TNNI3K: variants seen among roughly 807,000 people sequenced by gnomAD.
TNNI3K encodes serine/threonine-protein kinase TNNI3K.
TNNI3K carries 140 observed loss-of-function variants against 114.5 expected under a neutral mutation model. That is an observed-to-expected ratio of 1.22 (90% CI 1.07 to 1.41). The LOEUF (loss-of-function observed/expected upper bound fraction) is 1.41, where lower values mean the gene tolerates loss of function less well. Ranked by LOEUF, TNNI3K falls within the 40% of genes most tolerant of loss-of-function variation. The pLI is 0.00. For synonymous variants in TNNI3K, 347 were observed against 347.5 expected (o/e 1.00, Z 0.02); for missense variants, 1,125 against 1,007.6 (o/e 1.12, Z -1.58).
intron 17 of TNNI3K, chr1:74,416,223 G>A (rs1355337650): frequency 1.1e-6 from 1 of 893,720 alleles, no homozygotes; most frequent in East Asian, 1.2e-4. Context: ...TCAAAGACGT[G>A]AGGAGTTTAA....
At chr1:74,499,260 G>A (rs1669487072) in intron 23 of TNNI3K, among the ~76,000 whole-genome samples, 1 of 152,174 alleles carries the variant, frequency 6.6e-6, no homozygotes. Flanking sequence ...TCCTGCCTGA[G>A]CCTCCTGAGT....
intron 21 of TNNI3K, among the ~76,000 whole-genome samples, chr1:74,473,796 T>C (rs1016294129): frequency 6.6e-6 from 1 of 152,148 alleles, no homozygotes; most frequent in Non-Finnish European, 1.5e-5. Flanking sequence ...CAAATTATGT[T>C]GGGGAAAGAA....
chr1:74,438,436 A>C (rs1666231978), intron 19 of TNNI3K, among the ~76,000 whole-genome samples: 1 of 152,122 alleles, frequency 6.6e-6, no homozygotes, highest in Admixed American at 6.6e-5. Context: ...GGTAAGAGTG[A>C]TAAAAGAATA....
intron 9 of TNNI3K, among the ~76,000 whole-genome samples, chr1:74,352,522 G>T (rs921360651): frequency 3.3e-5 from 5 of 152,230 alleles, no homozygotes; most frequent in Admixed American, 6.5e-5. Flanking sequence ...TAAGTCTACA[G>T]AGGTTATTGC....
At position 74,439,558 on chromosome 1, in the gene TNNI3K, C is replaced by T; in HGVS notation, c.1947C>T (p.Phe649=). 1 of 1,613,544 alleles carries T rather than the reference C, an allele frequency of 6.2e-7. No homozygotes were observed. The highest frequency in any genetic ancestry group is 8.5e-7 in the Non-Finnish European group (1 of 1,179,686). ...CTRYTIKADV[F]SYALCLWEIL... is the part of the protein sequence containing the mutation. The stretch of plus-strand genomic sequence containing the variant: ...GGTACACCATCAAAGCAGATGTCTT[C>T]AGCTATGCTCTGTGTCTGTGGGAAA... Residue 649 remains phenylalanine (F), a synonymous_variant, in exon 20 of 25, where the codon TTC becomes TTT. Coordinates refer to ENST00000326637, the MANE Select transcript of TNNI3K (RefSeq NM_015978.3).
intron 17 of TNNI3K, among the ~76,000 whole-genome samples, chr1:74,421,082 C>T (rs1665372716): frequency 6.6e-6 from 1 of 152,080 alleles, no homozygotes; most frequent in African/African-American, 2.4e-5. Flanking sequence ...TATCCATAGT[C>T]AGCATCAGTT....
At chr1:74,440,029 G>A (rs1666306500) in intron 20 of TNNI3K, among the ~76,000 whole-genome samples, 1 of 151,832 alleles carries the variant, frequency 6.6e-6, no homozygotes, top group Admixed American at 6.6e-5. Context: ...ACCTGTTAAG[G>A]CTGCTCTCTG....
At chr1:74,512,550 T>G (rs1345154244) in intron 23 of TNNI3K, 2 of 152,244 alleles carry the variant, frequency 1.3e-5, no homozygotes, top group African/African-American at 2.4e-5. Flanking sequence ...GCTTGTAGTT[T>G]GTGAATCTCT....
rs137973157 is a variant in TNNI3K at position 74,325,431 on chromosome 1, A to T, written c.445-6019A>T. ...ATTGTCATACATGGCAGGTATCTGGATCAACTACATTGAGGAACTGGGAAG... is the reference window on the plus strand; with the variant it reads ...ATTGTCATACATGGCAGGTATCTGGTTCAACTACATTGAGGAACTGGGAAG... On this transcript the variant is annotated intron_variant, in intron 5 of 24. Transcript: ENST00000326637. 4.1e-3 allele frequency among the ~76,000 whole-genome samples: 628 copies of T among 152,292 alleles called. 4 individuals are homozygous for T. The highest frequency in any genetic ancestry group is 0.015 in the African/African-American group (603 of 41,566).
At chr1:74,469,805 G>C in intron 21 of TNNI3K, 1 of 399,150 alleles carries the variant, frequency 2.5e-6, no homozygotes, top group Non-Finnish European at 4.4e-6. Flanking sequence ...TGCATGCAAA[G>C]GCTAGTGGGT....
intron 5 of TNNI3K, among the ~76,000 whole-genome samples, chr1:74,310,858 C>G (rs1193257417): frequency 6.6e-6 from 1 of 152,058 alleles, no homozygotes; most frequent in Admixed American, 6.6e-5. Context: ...TGTCTTCTAT[C>G]TTTTAGATAC....
intron 17 of TNNI3K, among the ~76,000 whole-genome samples, chr1:74,424,517 G>A (rs1026672199): frequency 4.6e-5 from 7 of 151,994 alleles, no homozygotes; most frequent in African/African-American, 1.7e-4. Flanking sequence ...TCAGGAGTTT[G>A]AGACCAGCCT....
chr1:74,373,122 C>T (rs1662700529), intron 17 of TNNI3K: 1 of 151,840 alleles, frequency 6.6e-6, no homozygotes, highest in South Asian at 2.1e-4. Context: ...TGGGTCCTTT[C>T]CCTCAGAGAG....
At chr1:74,334,092 A>T (rs1660348500) in intron 6 of TNNI3K, among the ~76,000 whole-genome samples, 1 of 152,214 alleles carries the variant, frequency 6.6e-6, no homozygotes, top group South Asian at 2.1e-4. Context: ...GACTTATTTA[A>T]TCCTCACAAC....
chr1:74,320,560 C>T (rs1659551851), intron 5 of TNNI3K, among the ~76,000 whole-genome samples: 1 of 152,198 alleles, frequency 6.6e-6, no homozygotes, highest in Admixed American at 6.5e-5. Flanking sequence ...AAAAAAGGCA[C>T]ACACTTCATA....
intron 23 of TNNI3K, among the ~76,000 whole-genome samples, chr1:74,533,733 T>C (rs1459264709): frequency 1.3e-5 from 2 of 151,824 alleles, no homozygotes; most frequent in Admixed American, 1.3e-4. Flanking sequence ...TATGCAGCCA[T>C]AAAAAATGAT....
chr1:74,367,441 G>A, intron 12 of TNNI3K, 99 bp downstream of exon 12: 1 of 1,295,514 alleles, frequency 7.7e-7, no homozygotes. Context: ...GGGTTAGGGA[G>A]GAGGGCATAG....
Position 74,370,300 on chromosome 1 carries a change from G to T in TNNI3K, c.1680G>T (p.Leu560Phe). 6.3e-7 allele frequency: 1 copy of T among 1,590,858 alleles called. No individual in the cohort carries two copies. Among genetic ancestry groups the T allele is most frequent in the South Asian group, 1.1e-5 (1 of 87,396 alleles). Residue 560 changes from leucine (L) to phenylalanine (F), a missense_variant, in exon 17 of 25, where the codon TTG becomes TTT. Physicochemically the swap from Leu to Phe is conservative, Grantham distance 22. Transcript: ENST00000326637. The stretch of plus-strand genomic sequence containing the variant: ...TTTTAAATTCTAGGATTCTTGATTT[G>T]CAGTCTAAATTAATTATTGCAGTAG... ...LLHEQKRILD[L>F]QSKLIIAVDV...
chr1:74,372,412 T>A (rs915274417), intron 17 of TNNI3K: 8 of 151,828 alleles, frequency 5.3e-5, no homozygotes, highest in African/African-American at 1.9e-4. Flanking sequence ...ATAAATCAGA[T>A]ACGTGAGTGG....
Sources: allele counts gnomAD v4.1 joint callset (sites outside exome capture counted in the v4.1 genomes callset), GRCh38; gene constraint gnomAD v4.1.1; transcripts MANE v1.5; gene names NCBI Gene and HGNC (gene_info 2026-07-23, HGNC 2026-07-21).